ARK2C: variants seen among roughly 807,000 people sequenced by gnomAD.
ARK2C encodes E3 ubiquitin-protein ligase ARK2C.
the ARK2C span, among the ~76,000 whole-genome samples, chr18:46,382,988 C>A: frequency 8.9e-4 from 136 of 152,366 alleles, no homozygotes; most frequent in African/African-American, 3.1e-3. Context: ...CTCACTCCCC[C>A]CACCCCCTGG....
At chr18:46,423,356 C>T in the ARK2C span, among the ~76,000 whole-genome samples, 35 of 152,202 alleles carry the variant, frequency 2.3e-4, no homozygotes, top group Admixed American at 2.2e-3. Flanking sequence ...CTCAGCATCT[C>T]CCAAAGAAGA....
chr18:46,378,623 A>G, the ARK2C span, among the ~76,000 whole-genome samples: 2 of 152,174 alleles, frequency 1.3e-5, no homozygotes, highest in Non-Finnish European at 2.9e-5. Flanking sequence ...GCCACTGTTT[A>G]TCAAATAGGA....
At chr18:46,436,896 C>T in the ARK2C span, among the ~76,000 whole-genome samples, 273 of 152,292 alleles carry the variant, frequency 1.8e-3, 3 homozygotes, top group African/African-American at 6.3e-3. Flanking sequence ...ACTCAGGGCC[C>T]TTGCATATGG....
the ARK2C span, chr18:46,386,127 C>A: frequency 1.3e-5 from 2 of 152,224 alleles, no homozygotes; most frequent in African/African-American, 2.4e-5. Flanking sequence ...TGTCCAGGGG[C>A]CATGTTCTCA....
the ARK2C span, among the ~76,000 whole-genome samples, chr18:46,358,827 C>T: frequency 1.3e-5 from 2 of 152,276 alleles, no homozygotes; most frequent in South Asian, 4.1e-4. Flanking sequence ...CACTGTGTCC[C>T]GGTGCCTAGA....
chr18:46,397,450 G>T, the ARK2C span, among the ~76,000 whole-genome samples: 2 of 139,906 alleles, frequency 1.4e-5, no homozygotes, highest in East Asian at 2.2e-4. Flanking sequence ...TGAGGTGTGA[G>T]GGGGTGTGTG....
the ARK2C span, chr18:46,337,318 TTG>T: frequency 1.0e-6 from 1 of 985,288 alleles, no homozygotes; most frequent in Non-Finnish European, 1.2e-6. Context: ...TGTTCTTATT[TTG>T]TGGGTAATTT....
the ARK2C span, among the ~76,000 whole-genome samples, chr18:46,399,020 C>T: frequency 1.3e-5 from 2 of 152,224 alleles, no homozygotes; most frequent in East Asian, 1.9e-4. Flanking sequence ...TGAGTTACCA[C>T]GACACCCGGG....
At chr18:46,363,806 T>C in the ARK2C span, among the ~76,000 whole-genome samples, 2 of 152,264 alleles carry the variant, frequency 1.3e-5, no homozygotes, top group South Asian at 4.1e-4. Flanking sequence ...CTGAGCAGAA[T>C]TGAGGTGGTC....
At chr18:46,446,882 T>G in the ARK2C span, among the ~76,000 whole-genome samples, 4 of 152,136 alleles carry the variant, frequency 2.6e-5, no homozygotes, top group Admixed American at 1.3e-4. Context: ...TCTTCAGGAC[T>G]GCTTCTGAGC....
chr18:46,455,827 T>A, the ARK2C span: 1 of 588,300 alleles, frequency 1.7e-6, no homozygotes, highest in South Asian at 2.2e-5. Flanking sequence ...ACAGCAAGAA[T>A]CAGTCTCAAA....
the ARK2C span, among the ~76,000 whole-genome samples, chr18:46,366,405 C>T: frequency 6.6e-6 from 1 of 152,008 alleles, no homozygotes; most frequent in Non-Finnish European, 1.5e-5. Context: ...ACTATATGAC[C>T]TCTCCCTTCT....
chr18:46,391,115 G>A, the ARK2C span, among the ~76,000 whole-genome samples: 4 of 152,180 alleles, frequency 2.6e-5, no homozygotes, highest in Non-Finnish European at 4.4e-5. Context: ...TGGGTCTGAG[G>A]ACAAAATGGC....
At chr18:46,342,543 T>C in the ARK2C span, among the ~76,000 whole-genome samples, 35 of 152,278 alleles carry the variant, frequency 2.3e-4, no homozygotes, top group Admixed American at 7.2e-4. Flanking sequence ...GAACAGGGCA[T>C]TGGAACCCAG....
At chr18:46,352,111 A>T in the ARK2C span, among the ~76,000 whole-genome samples, 2 of 152,002 alleles carry the variant, frequency 1.3e-5, no homozygotes, top group African/African-American at 4.8e-5. Flanking sequence ...TTTCCCCACC[A>T]TTGGCCCTGG....
the ARK2C span, among the ~76,000 whole-genome samples, chr18:46,419,179 T>A: frequency 6.6e-6 from 1 of 152,170 alleles, no homozygotes; most frequent in Non-Finnish European, 1.5e-5. Context: ...TACTCTCCCC[T>A]GCCTGGTATT....
the ARK2C span, among the ~76,000 whole-genome samples, chr18:46,362,224 C>A: frequency 6.6e-6 from 1 of 152,238 alleles, no homozygotes; most frequent in Non-Finnish European, 1.5e-5. Flanking sequence ...TGGGCCCTAG[C>A]AGGCCTTTGG....
the ARK2C span, among the ~76,000 whole-genome samples, chr18:46,454,839 G>A: frequency 6.6e-6 from 1 of 152,184 alleles, no homozygotes; most frequent in African/African-American, 2.4e-5. Context: ...CATGAAAGGT[G>A]GGCTGATTTC....
the ARK2C span, among the ~76,000 whole-genome samples, chr18:46,387,902 G>A: frequency 6.6e-6 from 1 of 152,222 alleles, no homozygotes; most frequent in African/African-American, 2.4e-5. Context: ...TAGGACTGGG[G>A]CAGTCACGCC....
Sources: allele counts gnomAD v4.1 joint callset (sites outside exome capture counted in the v4.1 genomes callset), GRCh38; gene constraint gnomAD v4.1.1; transcripts MANE v1.5; gene names NCBI Gene and HGNC (gene_info 2026-07-23, HGNC 2026-07-21).